The following SLIT2 variants were observed in gnomAD, a reference collection of about 807,000 sequenced individuals.
SLIT2 encodes slit guidance ligand 2, also known as slit homolog 2 protein.
In SLIT2, 41 loss-of-function variants were observed where a neutral mutation model predicts 185.7. That is an observed-to-expected ratio of 0.22 (90% CI 0.17 to 0.29). The LOEUF (loss-of-function observed/expected upper bound fraction) is 0.29, where lower values mean the gene tolerates loss of function less well. Ranked by LOEUF, SLIT2 falls within the 10% of genes least tolerant of loss-of-function variation. The pLI, the probability that SLIT2 is intolerant of heterozygous loss-of-function variation, is 1.00. For synonymous variants in SLIT2, 693 were observed against 680.2 expected (o/e 1.02, Z -0.29); for missense variants, 1,571 against 1,909.0 (o/e 0.82, Z 3.30).
chr4:20,548,536 C>T lies in SLIT2; in HGVS notation c.2394C>T (p.Ser798=). 1 of 1,606,214 alleles carries T rather than the reference C, an allele frequency of 6.2e-7. No homozygotes were observed. Among genetic ancestry groups the T allele is most frequent in the Non-Finnish European group, 8.5e-7 (1 of 1,173,082 alleles). ...RISTLSNQSF[S]NMTQLLTLIL... is the part of the protein sequence containing the mutation. ...GCACGCTTTCTAATCAGAGCTTCAG[C>T]AACATGACCCAGCTCCTCACCTTGT... The change falls in exon 23 of 37, where the codon AGC becomes AGT. Residue 798 remains serine, a synonymous_variant. Transcript: ENST00000504154.
intron 4 of SLIT2, among the ~76,000 whole-genome samples, chr4:20,327,191 C>T (rs1469208881): frequency 1.3e-5 from 2 of 151,856 alleles, no homozygotes. Context: ...TCTAATGAAG[C>T]CAGTTCCTAA....
At chr4:20,462,667 A>G (rs1476988332) in intron 4 of SLIT2, among the ~76,000 whole-genome samples, 1 of 151,858 alleles carries the variant, frequency 6.6e-6, no homozygotes, top group Admixed American at 6.6e-5. Context: ...CTGCTCTGAA[A>G]CTCAATTTCC....
intron 9 of SLIT2, among the ~76,000 whole-genome samples, chr4:20,492,132 A>G (rs1717838850): frequency 6.6e-6 from 1 of 152,196 alleles, no homozygotes; most frequent in Non-Finnish European, 1.5e-5. Flanking sequence ...TTTTTTAGGA[A>G]AAACAAGGCA....
rs76858775 is a variant in SLIT2, at chr4:20,269,804, A to T, written c.395+923A>T. On this transcript the variant is annotated intron_variant, in intron 4 of 36. Transcript: ENST00000504154. ...TCTGAACTTGTCTTTGTAGCCTACT[A>T]GTTCAATGTGGTTATCAATTCCAGA... Among the ~76,000 whole-genome samples, 46 of 151,988 alleles carry T rather than the reference A, an allele frequency of 3.0e-4. No individual in the cohort carries two copies. The East Asian group carries it at 8.9e-3, about 29-fold the overall frequency.
chr4:20,617,559 C>G lies in SLIT2; in HGVS notation c.4257C>G (p.Ile1419Met). 42 of 1,613,836 alleles carry G rather than the reference C, an allele frequency of 2.6e-5. No individual in the cohort carries two copies. Among genetic ancestry groups the G allele is most frequent in the Non-Finnish European group, 3.4e-5 (40 of 1,179,938 alleles). Residue 1419 changes from isoleucine (I) to methionine (M), a missense_variant, in exon 36 of 37, where the codon ATC becomes ATG. Physicochemically the swap from Ile to Met is conservative, Grantham distance 10. Around this residue, in one of 3 missense-constraint regions of SLIT2, gnomAD observed 223 missense variants for 245.2 expected, o/e 0.91. Coordinates refer to ENST00000504154, the MANE Select transcript of SLIT2 (RefSeq NM_004787.4). ...EEDLFNPCQA[I>M]KCKHGKCRLS... ...ATCTGTTTAACCCATGCCAGGCGAT[C>G]AAGTGCAAGCATGGGAAGTGCAGGC...
chr4:20,502,026 G>A (rs1358805976), intron 9 of SLIT2, among the ~76,000 whole-genome samples: 1 of 151,796 alleles, frequency 6.6e-6, no homozygotes, highest in Admixed American at 6.6e-5. Flanking sequence ...AAGTTATTTA[G>A]GTAACATACA....
chr4:20,472,306 CTA>C lies in SLIT2; in HGVS notation c.467+4490_467+4491del, dbSNP rs375571344. Among the ~76,000 whole-genome samples the C allele has an allele frequency of 0.021, 358 of 17,402 alleles. 2 individuals are homozygous for C. The Middle Eastern group carries it at 0.21, about 10-fold the overall frequency. The allele number at this position is 17,402 out of a possible 152,430, so 11.4% of individuals were successfully genotyped here. ...TATATAGATATATAGATATATAGAT[CTA>C]TATATAGATATATATATCTATATAT... On this transcript the variant is annotated intron_variant, in intron 5 of 36. Coordinates refer to ENST00000504154, the MANE Select transcript of SLIT2 (RefSeq NM_004787.4).
At chr4:20,467,123 A>G (rs1187091852) in intron 4 of SLIT2, among the ~76,000 whole-genome samples, 1 of 152,188 alleles carries the variant, frequency 6.6e-6, no homozygotes, top group East Asian at 1.9e-4. Context: ...TAAAATGCAA[A>G]TATAGACAGT....
chr4:20,295,870 A>C (rs141466126), intron 4 of SLIT2, among the ~76,000 whole-genome samples: 5 of 152,232 alleles, frequency 3.3e-5, no homozygotes, highest in Non-Finnish European at 5.9e-5. Flanking sequence ...GGAAGGACAG[A>C]TATTATTAAA....
At chr4:20,516,985 A>G (rs1441022931) in intron 11 of SLIT2, among the ~76,000 whole-genome samples, 1 of 152,190 alleles carries the variant, frequency 6.6e-6, no homozygotes, top group Non-Finnish European at 1.5e-5. Context: ...TAATTACACA[A>G]TATAAATACG....
In SLIT2 at chr4:20,538,437, G is replaced by A. The variant is rs560129428; in HGVS notation, c.1833-1004G>A. Reference sequence around the variant, plus strand: ...AGAGCATCATCTTATCTGTGACTTCGCAGAATGCAAACGTTTATATTTCTT... The same window carrying A: ...AGAGCATCATCTTATCTGTGACTTCACAGAATGCAAACGTTTATATTTCTT... On this transcript the variant is annotated intron_variant, in intron 18 of 36. Transcript: ENST00000504154. 1.1e-4 allele frequency among the ~76,000 whole-genome samples: 16 copies of A among 152,202 alleles called. No homozygotes were observed. The South Asian group carries it at 2.5e-3, about 24-fold the overall frequency.
At chr4:20,255,078 A>G (rs369722897) in intron 1 of SLIT2, 69 of 455,960 alleles carry the variant, frequency 1.5e-4, no homozygotes, top group African/African-American at 1.1e-3. Context: ...CGCCCTAGGC[A>G]CGTTCCGCTC....
intron 4 of SLIT2, among the ~76,000 whole-genome samples, chr4:20,285,047 A>G (rs532548606): frequency 6.6e-6 from 1 of 152,166 alleles, no homozygotes; most frequent in Non-Finnish European, 1.5e-5. Flanking sequence ...ACATCCAGCA[A>G]TTTATTCCTT....
chr4:20,525,148 G>A lies in SLIT2; in HGVS notation c.1439-1G>A, dbSNP rs753850889. ...TATTTTTTGTCTCTTTTTTTATTTA[G>A]CTAAAGAACAGTATTTCATTCCAGG... On this transcript the variant is annotated splice_acceptor_variant, in intron 14 of 36. Transcript: ENST00000504154. LOFTEE classifies it high-confidence loss of function. 2.6e-5 allele frequency: 41 copies of A among 1,607,004 alleles called. No homozygotes were observed. Among genetic ancestry groups the A allele is most frequent in the Non-Finnish European group, 3.5e-5 (41 of 1,174,342 alleles).
In SLIT2 at chr4:20,373,306, C is replaced by T. The variant is rs181886826; in HGVS notation, c.396-94446C>T. On this transcript the variant is annotated intron_variant, in intron 4 of 36. Coordinates refer to ENST00000504154, the MANE Select transcript of SLIT2 (RefSeq NM_004787.4). ...ATCAATTTCTCCGCATTTCAATTTA[C>T]AATTATATGTAACATGAATCTCAAT... 3.9e-5 allele frequency among the ~76,000 whole-genome samples: 6 copies of T among 152,180 alleles called. No individual in the cohort carries two copies. In the East Asian group the frequency reaches 9.7e-4, roughly 25 times the overall value.
At chr4:20,498,969 TG>T (rs1344619115) in intron 9 of SLIT2, among the ~76,000 whole-genome samples, 1 of 152,246 alleles carries the variant, frequency 6.6e-6, no homozygotes, top group African/African-American at 2.4e-5. Context: ...TTTTATTTTT[TG>T]TTCTTTGAGA....
intron 8 of SLIT2, 38 bp from the exon 9 acceptor site, chr4:20,491,723 A>G: frequency 6.3e-7 from 1 of 1,580,382 alleles, no homozygotes; most frequent in Non-Finnish European, 8.6e-7. Flanking sequence ...TATGATATTC[A>G]GGAGGAAAAA....
chr4:20,395,744 C>T (rs1725839574), intron 4 of SLIT2, among the ~76,000 whole-genome samples: 1 of 151,860 alleles, frequency 6.6e-6, no homozygotes, highest in South Asian at 2.1e-4. Context: ...CTCATATAGA[C>T]CAATCTTTAG....
intron 4 of SLIT2, among the ~76,000 whole-genome samples, chr4:20,409,316 T>C (rs549989037): frequency 2.0e-5 from 3 of 152,196 alleles, no homozygotes; most frequent in Middle Eastern, 3.2e-3. Context: ...AATGAGAACA[T>C]GCACTATTTA....
Sources: gnomAD v4.1 joint callset for allele counts (sites outside exome capture counted in the v4.1 genomes callset) on GRCh38, gnomAD v4.1.1 for gene constraint, gnomAD v4.1.1 regional missense constraint, MANE v1.5 for transcripts, NCBI Gene and HGNC (gene_info 2026-07-23, HGNC 2026-07-21) for gene names.